The following FNDC3B variants were observed in gnomAD, a reference collection of about 807,000 sequenced individuals.
The protein encoded by FNDC3B is fibronectin type III domain containing 3B.
FNDC3B carries 12 observed loss-of-function variants against 151.5 expected under a neutral mutation model. That is an observed-to-expected ratio of 0.08 (90% CI 0.05 to 0.13). The LOEUF (loss-of-function observed/expected upper bound fraction) is 0.13. Ranked by LOEUF, FNDC3B falls within the 10% of genes least tolerant of loss-of-function variation. The probability of loss-of-function intolerance (pLI) is 1.00; values close to 1 mark genes in which losing one functional copy is unlikely to be tolerated. For missense variants in FNDC3B, 1,214 were observed against 1,505.3 expected (o/e 0.81, Z 3.20); for synonymous variants, 528 against 549.0 (o/e 0.96, Z 0.54).
In FNDC3B at chr3:172,175,823, GA is replaced by G. The variant is rs564946162; in HGVS notation, c.187+42278del. Among the ~76,000 whole-genome samples, 1,045 of 152,308 alleles carry G rather than the reference GA, an allele frequency of 6.9e-3. 11 individuals carry two copies. The highest frequency in any genetic ancestry group is 0.024 in the African/African-American group (986 of 41,562). ...AAGACATTGTTTTTCCTGGGGAGGG[GA>G]TCACAGTAGTACAGATGTGAAAAAT... On this transcript the variant is annotated intron_variant, in intron 3 of 25. Coordinates refer to ENST00000415807, the MANE Select transcript of FNDC3B (RefSeq NM_022763.4).
intron 9 of FNDC3B, among the ~76,000 whole-genome samples, chr3:172,305,849 C>T (rs982881216): frequency 1.3e-4 from 20 of 152,112 alleles, no homozygotes; most frequent in Admixed American, 1.3e-3. Flanking sequence ...CATCCTGACA[C>T]AGGGAAATGA....
chr3:172,156,937 T>C (rs1203788058), intron 3 of FNDC3B, among the ~76,000 whole-genome samples: 2 of 152,190 alleles, frequency 1.3e-5, no homozygotes, highest in Non-Finnish European at 2.9e-5. Flanking sequence ...ATGGCTATTG[T>C]TCTAATAACA....
chr3:172,217,061 T>C (rs1034589191), intron 3 of FNDC3B, among the ~76,000 whole-genome samples: 27 of 133,612 alleles, frequency 2.0e-4, no homozygotes, highest in Non-Finnish European at 3.4e-4. Flanking sequence ...CACCTGTGCA[T>C]TACTCATTCC....
In FNDC3B at chr3:172,112,439, G is replaced by A. The variant is rs770927068; in HGVS notation, c.-28-13G>A. 2.1e-6 allele frequency: 3 copies of A among 1,405,868 alleles called. No individual in the cohort carries two copies. Among genetic ancestry groups the A allele is most frequent in the African/African-American group, 2.8e-5 (2 of 70,782 alleles). The allele number at this position is 1,405,868 out of a possible 1,614,324, so 87.1% of individuals were successfully genotyped here. A position where few individuals can be genotyped will look rare whatever the true frequency, so the allele number is the denominator to read the frequency against. ...TTCTGAGTCCTTTTTAAAAAGCGGC[G>A]GTTCTCTTGCAGGAAGCCAGTTGAG... On this transcript the variant is annotated splice_polypyrimidine_tract_variant and intron_variant, in intron 1 of 25. Coordinates refer to ENST00000415807, the MANE Select transcript of FNDC3B (RefSeq NM_022763.4).
At chr3:172,171,066 A>G (rs1392731806) in intron 3 of FNDC3B, among the ~76,000 whole-genome samples, 1 of 152,238 alleles carries the variant, frequency 6.6e-6, no homozygotes, top group East Asian at 1.9e-4. Context: ...TGCAGGGTCT[A>G]TGTGGCTCTA....
At chr3:172,362,554 A>G (rs1734419702) in intron 22 of FNDC3B, 79 bp from the exon 23 acceptor site, 5 of 1,056,736 alleles carry the variant, frequency 4.7e-6, no homozygotes, top group East Asian at 4.7e-5. Flanking sequence ...AATAAATACT[A>G]TGCTCAATGT....
intron 6 of FNDC3B, 152 bp from the exon 7 acceptor site, chr3:172,285,774 A>T: frequency 1.5e-6 from 1 of 646,870 alleles, no homozygotes; most frequent in Non-Finnish European, 2.7e-6. Context: ...TTCATTCCTG[A>T]TTTTCCTGGT....
intron 3 of FNDC3B, among the ~76,000 whole-genome samples, chr3:172,214,388 G>A (rs1364219194): frequency 3.3e-5 from 5 of 152,180 alleles, no homozygotes; most frequent in Admixed American, 3.3e-4. Flanking sequence ...GGACAACTTA[G>A]AGGATTTTTA....
intron 3 of FNDC3B, among the ~76,000 whole-genome samples, chr3:172,207,953 A>G (rs147664412): frequency 6.6e-6 from 1 of 151,128 alleles, no homozygotes; most frequent in Non-Finnish European, 1.5e-5. Flanking sequence ...ACCTCAAAAA[A>G]TAAAAAAAAG....
intron 2 of FNDC3B, among the ~76,000 whole-genome samples, chr3:172,121,116 G>A (rs1720523776): frequency 6.6e-6 from 1 of 152,124 alleles, no homozygotes; most frequent in African/African-American, 2.4e-5. Context: ...CTTAGTTTCC[G>A]AGCCTGCCTG....
intron 1 of FNDC3B, among the ~76,000 whole-genome samples, chr3:172,050,389 C>CTT (rs71635717): frequency 6.8e-5 from 10 of 146,014 alleles, no homozygotes; most frequent in South Asian, 2.2e-4. Context: ...GGTATATTTT[C>CTT]TTTTTTTTTT....
chr3:172,251,707 T>C (rs1728090251), intron 6 of FNDC3B, among the ~76,000 whole-genome samples, 166 bp downstream of exon 6: 1 of 152,218 alleles, frequency 6.6e-6, no homozygotes, highest in African/African-American at 2.4e-5. Flanking sequence ...GGAAATAATA[T>C]TGCATTGTTT....
chr3:172,276,217 G>C (rs1175838126), intron 6 of FNDC3B, among the ~76,000 whole-genome samples: 1 of 152,132 alleles, frequency 6.6e-6, no homozygotes, highest in Non-Finnish European at 1.5e-5. Context: ...GGCACTTTGT[G>C]TCTTGTTACT....
intron 16 of FNDC3B, among the ~76,000 whole-genome samples, chr3:172,339,495 G>A (rs527702226): frequency 1.8e-4 from 27 of 152,146 alleles, no homozygotes; most frequent in African/African-American, 5.5e-4. Flanking sequence ...CCCAGGAGTC[G>A]GAGGTCGCAG....
intron 1 of FNDC3B, among the ~76,000 whole-genome samples, chr3:172,050,571 A>T (rs1716591264): frequency 6.6e-6 from 1 of 151,524 alleles, no homozygotes; most frequent in Non-Finnish European, 1.5e-5. Context: ...TTTAGTAGAG[A>T]TAGGGTTTCA....
intron 3 of FNDC3B, chr3:172,134,337 G>C: frequency 1.9e-6 from 1 of 517,118 alleles, no homozygotes; most frequent in Non-Finnish European, 3.9e-6. Context: ...ACCTAGATCT[G>C]ATGTTAGCTG....
At chr3:172,272,574 T>C (rs976020746) in intron 6 of FNDC3B, among the ~76,000 whole-genome samples, 1 of 152,208 alleles carries the variant, frequency 6.6e-6, no homozygotes, top group South Asian at 2.1e-4. Context: ...GCTTTTTACA[T>C]GTTTTAGGGA....
chr3:172,303,883 A>G (rs12486370), intron 9 of FNDC3B, among the ~76,000 whole-genome samples: 35,624 of 152,192 alleles, frequency 0.23, 4,383 homozygotes, highest in South Asian at 0.4. Flanking sequence ...TAATCAAGGG[A>G]TACTTAAGTG....
rs1445820833 is a variant in FNDC3B at position 172,396,179 on chromosome 3, G to A, written c.3304-985G>A. Among the ~76,000 whole-genome samples, 4 of 152,278 alleles carry A rather than the reference G, an allele frequency of 2.6e-5. No homozygotes were observed. In the East Asian group the frequency reaches 5.8e-4, roughly 22 times the overall value. ...ATCGAAAAGAAAATGGAGGAATTAA[G>A]GTATAGTTATAAGGAACTACTACCG... On this transcript the variant is annotated intron_variant, in intron 25 of 25. Coordinates refer to ENST00000415807, the MANE Select transcript of FNDC3B (RefSeq NM_022763.4).
Sources: allele counts gnomAD v4.1 joint callset (sites outside exome capture counted in the v4.1 genomes callset), GRCh38; gene constraint gnomAD v4.1.1; transcripts MANE v1.5; gene names NCBI Gene and HGNC (gene_info 2026-07-23, HGNC 2026-07-21).